The following FGF10 variants were observed in gnomAD, a reference collection of about 807,000 sequenced individuals.
FGF10 encodes the protein FGF-10.
In FGF10, 2 loss-of-function variants were observed where a neutral mutation model predicts 19.8. The observed-to-expected ratio is 0.10, with a 90% CI of 0.04 to 0.32. The LOEUF (loss-of-function observed/expected upper bound fraction) is 0.32. Among genes scored for constraint, FGF10 ranks in the 10% least tolerant of loss-of-function variants. The probability of loss-of-function intolerance (pLI) is 1.00; values close to 1 mark genes in which losing one functional copy is unlikely to be tolerated. For synonymous variants in FGF10, 112 were observed against 94.0 expected (o/e 1.19, Z -1.10); for missense variants, 191 against 246.3 (o/e 0.78, Z 1.50).
At chr5:44,317,515 C>A (rs897309035) in intron 1 of FGF10, among the ~76,000 whole-genome samples, 12 of 152,094 alleles carry the variant, frequency 7.9e-5, no homozygotes, top group African/African-American at 2.9e-4. Context: ...GTATCAGAAA[C>A]TTACAATGCA....
intron 1 of FGF10, among the ~76,000 whole-genome samples, chr5:44,324,250 A>C (rs559961844): frequency 6.6e-6 from 1 of 152,238 alleles, no homozygotes; most frequent in South Asian, 2.1e-4. Context: ...AAAAAAGAAA[A>C]TTATTGAACT....
chr5:44,369,682 A>G (rs1256641738), intron 1 of FGF10, among the ~76,000 whole-genome samples: 1 of 152,128 alleles, frequency 6.6e-6, no homozygotes, highest in Non-Finnish European at 1.5e-5. Flanking sequence ...GAGTGAGCTG[A>G]AAACTGACCT....
At chr5:44,370,337 G>A (rs1435070359) in intron 1 of FGF10, among the ~76,000 whole-genome samples, 3 of 152,020 alleles carry the variant, frequency 2.0e-5, no homozygotes, top group East Asian at 1.9e-4. Flanking sequence ...CCTGGGGATT[G>A]GAATGAACAT....
chr5:44,365,763 G>A (rs982627498), intron 1 of FGF10, among the ~76,000 whole-genome samples: 1 of 151,888 alleles, frequency 6.6e-6, no homozygotes, highest in Non-Finnish European at 1.5e-5. Flanking sequence ...TACTAAAAGG[G>A]GAAAATGCAC....
At chr5:44,345,633 C>CAAAAAA (rs199895920) in intron 1 of FGF10, among the ~76,000 whole-genome samples, 6 of 134,430 alleles carry the variant, frequency 4.5e-5, no homozygotes, top group Non-Finnish European at 4.8e-5. Context: ...TTTCTCAGCT[C>CAAAAAA]AAAAAAAAAA....
At chr5:44,357,749 C>T (rs1197841770) in intron 1 of FGF10, among the ~76,000 whole-genome samples, 1 of 151,432 alleles carries the variant, frequency 6.6e-6, no homozygotes, top group African/African-American at 2.4e-5. Flanking sequence ...GGGCAAAATT[C>T]TCCTGCTTTT....
rs1042156089 is a variant in FGF10 at position 44,308,157 on chromosome 5, A to G, written c.429+2270T>C. ...CACCGGACTCTACTTTAAATAAAGA[A>G]TTTGAATGAAATAATTCACAGAGCT... On this transcript the variant is annotated intron_variant, in intron 2 of 2. Transcript: ENST00000264664. 8.5e-5 allele frequency among the ~76,000 whole-genome samples: 13 copies of G among 152,332 alleles called. No homozygotes were observed. In the East Asian group the frequency reaches 2.5e-3, roughly 29 times the overall value.
chr5:44,380,709 G>A (rs1741965672), intron 1 of FGF10, among the ~76,000 whole-genome samples: 1 of 152,178 alleles, frequency 6.6e-6, no homozygotes, highest in Admixed American at 6.5e-5. Flanking sequence ...GGCTGGGTAT[G>A]GTGGCTCACA....
chr5:44,388,596 CA>C lies in FGF10; in HGVS notation c.86del (p.Leu29TrpfsTer85). 6.2e-7 allele frequency: 1 copy of C among 1,613,984 alleles called. No homozygotes were observed. Among genetic ancestry groups the C allele is most frequent in the South Asian group, 1.1e-5 (1 of 91,072 alleles). Reference sequence around the variant, plus strand: ...GGCAGGTGACAGGGACGGAAGACACCAAGAACAGCAACAAAAAGCAGCAGCA... The same window carrying C: ...GGCAGGTGACAGGGACGGAAGACACCAGAACAGCAACAAAAAGCAGCAGCA... ...CCCCCFLLLF[L>X]VSSVPVTCQA... On this transcript the variant is annotated frameshift_variant, in exon 1 of 3. Transcript: ENST00000264664. LOFTEE classifies it high-confidence loss of function.
At chr5:44,324,459 GC>G (rs1561201554) in intron 1 of FGF10, among the ~76,000 whole-genome samples, 1 of 151,944 alleles carries the variant, frequency 6.6e-6, no homozygotes, top group Non-Finnish European at 1.5e-5. Flanking sequence ...AGATAAAACC[GC>G]ACAATATCAT....
At chr5:44,353,623 G>T (rs942799899) in intron 1 of FGF10, among the ~76,000 whole-genome samples, 16 of 151,562 alleles carry the variant, frequency 1.1e-4, no homozygotes, top group African/African-American at 3.6e-4. Flanking sequence ...TAATTTAAAA[G>T]ATTCTCTTAA....
intron 1 of FGF10, among the ~76,000 whole-genome samples, chr5:44,323,424 A>C (rs539582758): frequency 3.3e-4 from 50 of 152,188 alleles, no homozygotes; most frequent in Non-Finnish European, 5.4e-4. Flanking sequence ...AAAATCTGAC[A>C]TTATAGTACA....
At chr5:44,352,225 T>C (rs1386939056) in intron 1 of FGF10, among the ~76,000 whole-genome samples, 1 of 151,574 alleles carries the variant, frequency 6.6e-6, no homozygotes, top group Non-Finnish European at 1.5e-5. Flanking sequence ...TGAGGGACTT[T>C]CGATGCAATT....
intron 1 of FGF10, among the ~76,000 whole-genome samples, chr5:44,316,886 G>T (rs912443094): frequency 6.6e-6 from 1 of 152,126 alleles, no homozygotes; most frequent in Non-Finnish European, 1.5e-5. Context: ...AAACTTAAGT[G>T]CCTTCAACTA....
chr5:44,380,184 C>A (rs748579498), intron 1 of FGF10, among the ~76,000 whole-genome samples: 2 of 152,072 alleles, frequency 1.3e-5, no homozygotes, highest in African/African-American at 4.8e-5. Context: ...ACCATTTACC[C>A]CATGTTACAG....
At chr5:44,323,498 C>T (rs368246445) in intron 1 of FGF10, among the ~76,000 whole-genome samples, 3 of 152,188 alleles carry the variant, frequency 2.0e-5, no homozygotes, top group African/African-American at 7.2e-5. Context: ...TTACCTTAAC[C>T]ACATGTGGGG....
chr5:44,309,249 C>G (rs868783676), intron 2 of FGF10, among the ~76,000 whole-genome samples: 1 of 152,076 alleles, frequency 6.6e-6, no homozygotes, highest in Non-Finnish European at 1.5e-5. Context: ...TCAATACACT[C>G]CCCTTCAGTA....
chr5:44,363,395 C>T (rs1048435770), intron 1 of FGF10, among the ~76,000 whole-genome samples: 1 of 151,782 alleles, frequency 6.6e-6, no homozygotes, highest in Non-Finnish European at 1.5e-5. Flanking sequence ...TACAATTATA[C>T]TTACAGTGAA....
intron 1 of FGF10, among the ~76,000 whole-genome samples, chr5:44,361,456 T>C (rs565944485): frequency 2.0e-5 from 3 of 151,598 alleles, no homozygotes; most frequent in African/African-American, 7.3e-5. Flanking sequence ...AACTACTGGG[T>C]GCATGGGGAT....
Sources: gnomAD v4.1 joint callset for allele counts (sites outside exome capture counted in the v4.1 genomes callset) on GRCh38, gnomAD v4.1.1 for gene constraint, MANE v1.5 for transcripts, NCBI Gene and HGNC (gene_info 2026-07-23, HGNC 2026-07-21) for gene names.